ZNF516: variants seen among roughly 807,000 people sequenced by gnomAD.
ZNF516 encodes the protein zinc finger protein 516.
In ZNF516, 19 loss-of-function variants were observed where a neutral mutation model predicts 79.7. The observed-to-expected ratio is 0.24, with a 90% CI of 0.17 to 0.35. The LOEUF (loss-of-function observed/expected upper bound fraction) is 0.35, where lower values mean the gene tolerates loss of function less well. ZNF516 is among the 10% of genes least tolerant of loss of function. The pLI is 1.00. For synonymous variants in ZNF516, 877 were observed against 739.5 expected, an observed-to-expected ratio of 1.19 and a Z score of -3.02; for missense variants, 1,678 against 1,679.5, an observed-to-expected ratio of 1.00 and a Z score of 0.02.
At chr18:76,481,932 T>C (rs1270470586) in intron 1 of ZNF516, among the ~76,000 whole-genome samples, 2 of 152,248 alleles carry the variant, frequency 1.3e-5, no homozygotes, top group Non-Finnish European at 2.9e-5. Flanking sequence ...TTTGTTTTTA[T>C]GCCCTTGGCT....
At chr18:76,456,259 G>A (rs1397256383) in intron 2 of ZNF516, among the ~76,000 whole-genome samples, 1 of 152,244 alleles carries the variant, frequency 6.6e-6, no homozygotes. Context: ...CTGGGGCGAT[G>A]AGCAGTAGTG....
At chr18:76,475,984 T>C (rs962566748) in intron 1 of ZNF516, among the ~76,000 whole-genome samples, 1 of 152,246 alleles carries the variant, frequency 6.6e-6, no homozygotes, top group African/African-American at 2.4e-5. Context: ...ACTCTCATGT[T>C]GTGAAACGTC....
At chr18:76,415,936 T>C (rs900411056) in intron 3 of ZNF516, among the ~76,000 whole-genome samples, 1 of 152,224 alleles carries the variant, frequency 6.6e-6, no homozygotes, top group African/African-American at 2.4e-5. Flanking sequence ...CAACTACCAA[T>C]TACCTCAGTT....
rs763939174 is a variant in ZNF516 at position 76,378,990 on chromosome 18, T to A, written c.3124A>T (p.Ile1042Phe). The A allele has an allele frequency of 3.1e-6, 5 of 1,613,260 alleles. No homozygotes were observed. The highest frequency in any genetic ancestry group is 4.2e-6 in the Non-Finnish European group (5 of 1,179,728). ...VAGAPPVLHS[I>F]KQEPVAEGHE... ...CCCTCGGCCACCGGCTCCTGTTTGA[T>A]GGAGTGTAGGACGGGGGGCGCCCCA... The change falls in exon 4 of 7, where the codon ATC (isoleucine) becomes TTC (phenylalanine). Residue 1042 changes from isoleucine (I) to phenylalanine (F), a missense_variant. Around this residue, in one of 5 missense-constraint regions of ZNF516, gnomAD observed 1,294 missense variants for 1,248.3 expected, o/e 1.04. Transcript: ENST00000443185.
chr18:76,478,561 TAC>T lies in ZNF516; in HGVS notation c.-271-15422_-271-15421del, dbSNP rs1479951962. On this transcript the variant is annotated intron_variant, in intron 1 of 6. Transcript: ENST00000443185. ...CAAAAAATAGGAATAACAAATCCCT[TAC>T]AGTTTATAGGCTGAATGTAAAATTA... Among the ~76,000 whole-genome samples, 3 of 152,198 alleles carry T rather than the reference TAC, an allele frequency of 2.0e-5. No homozygotes were observed. In the South Asian group the frequency reaches 6.2e-4, roughly 31 times the overall value.
chr18:76,442,706 G>A lies in ZNF516; in HGVS notation c.349C>T (p.Pro117Ser), dbSNP rs763836970. The stretch of plus-strand genomic sequence containing the variant: ...TTGCAGGCCGAGGCGCTCTTGGTGG[G>A]GCTGGCGCAGGCGTCCAGGCCCTCG... ...ASEGLDACAS[P>S]TKSASACNRL... Residue 117 changes from proline to serine, a missense_variant, in exon 3 of 7, where the codon CCC (proline) becomes TCC (serine). Pro to Ser is a moderately conservative substitution (Grantham distance 74). Coordinates refer to ENST00000443185, the MANE Select transcript of ZNF516 (RefSeq NM_014643.4). 6.3e-5 allele frequency: 100 copies of A among 1,581,092 alleles called. 4 individuals are homozygous for A. In the East Asian group the frequency reaches 1.3e-3, roughly 20 times the overall value.
intron 1 of ZNF516, among the ~76,000 whole-genome samples, chr18:76,481,975 T>C (rs1259497204): frequency 1.3e-5 from 2 of 152,216 alleles, no homozygotes. Context: ...GGAACTACTT[T>C]CCAAAAGCTA....
At chr18:76,462,260 T>C (rs1913164594) in intron 2 of ZNF516, among the ~76,000 whole-genome samples, 1 of 152,176 alleles carries the variant, frequency 6.6e-6, no homozygotes, top group Non-Finnish European at 1.5e-5. Context: ...GAGACGGCTT[T>C]GTAGGAATCC....
rs140707907 is a variant in ZNF516, at chr18:76,359,406, A to G, written c.*3092T>C. Reference sequence around the variant, plus strand: ...GAAAGGTGGGCAGGTACAGTGGCCAATTTCCCAGAGAAGATCCTCAATATC... The same window carrying G: ...GAAAGGTGGGCAGGTACAGTGGCCAGTTTCCCAGAGAAGATCCTCAATATC... On this transcript the variant is annotated 3_prime_UTR_variant, in exon 7 of 7. Coordinates refer to ENST00000443185, the MANE Select transcript of ZNF516 (RefSeq NM_014643.4). The G allele has an allele frequency of 2.0e-5, 3 of 152,328 alleles. No individual in the cohort carries two copies. The highest frequency in any genetic ancestry group is 1.9e-4 in the East Asian group (1 of 5,180). The allele number at this position is 152,328 out of a possible 1,614,324, so 9.4% of individuals were successfully genotyped here.
In ZNF516 at chr18:76,383,035, C is replaced by CAAA. The variant is rs772423972; in HGVS notation, c.1811-2735_1811-2733dup. Among the ~76,000 whole-genome samples, 200 of 49,640 alleles carry CAAA rather than the reference C, an allele frequency of 4.0e-3. 5 individuals are homozygous for CAAA. The highest frequency in any genetic ancestry group is 0.012 in the African/African-American group (144 of 11,938). 32.6% of individuals were successfully genotyped at this position (49,640 alleles called of 152,430 possible). A position where few individuals can be genotyped will look rare whatever the true frequency, so the allele number is the denominator to read the frequency against. On this transcript the variant is annotated intron_variant, in intron 3 of 6. Transcript: ENST00000443185. Reference sequence around the variant, plus strand: ...TGGGCAACAGAGCAAGACTCTGTCTCAAAAAAAAAAAAAAAAAAAAAAAAG... The same window carrying CAAA: ...TGGGCAACAGAGCAAGACTCTGTCTCAAAAAAAAAAAAAAAAAAAAAAAAAAAG...
At chr18:76,461,234 T>C (rs528663879) in intron 2 of ZNF516, among the ~76,000 whole-genome samples, 1 of 152,308 alleles carries the variant, frequency 6.6e-6, no homozygotes, top group Admixed American at 6.5e-5. Flanking sequence ...GGCTGACTTA[T>C]CTGCCTAAAC....
At chr18:76,460,594 T>C (rs529016454) in intron 2 of ZNF516, among the ~76,000 whole-genome samples, 2 of 151,982 alleles carry the variant, frequency 1.3e-5, no homozygotes, top group African/African-American at 2.4e-5. Flanking sequence ...GTAAAAAAAC[T>C]GGGAGGAAGG....
At chr18:76,432,954 C>T (rs1032132153) in intron 3 of ZNF516, among the ~76,000 whole-genome samples, 3 of 151,848 alleles carry the variant, frequency 2.0e-5, no homozygotes, top group African/African-American at 7.3e-5. Flanking sequence ...AAGAAGGCGA[C>T]CTCCCCAAAT....
intron 1 of ZNF516, among the ~76,000 whole-genome samples, chr18:76,464,211 A>AGGTACATT (rs1292658593): frequency 2.0e-5 from 3 of 152,192 alleles, no homozygotes; most frequent in African/African-American, 7.2e-5. Flanking sequence ...AATGTACTAA[A>AGGTACATT]GGTACATTAA....
At chr18:76,465,357 G>C (rs1312229164) in intron 1 of ZNF516, among the ~76,000 whole-genome samples, 1 of 152,214 alleles carries the variant, frequency 6.6e-6, no homozygotes, top group Admixed American at 6.5e-5. Flanking sequence ...GACAGCAGAA[G>C]AGGAGAGATT....
intron 4 of ZNF516, among the ~76,000 whole-genome samples, chr18:76,376,832 T>C (rs998592494): frequency 1.3e-5 from 2 of 152,054 alleles, no homozygotes; most frequent in Non-Finnish European, 1.5e-5. Flanking sequence ...GTGGATCAAG[T>C]GGGCGTCAAA....
chr18:76,404,711 G>A (rs2075279993), intron 3 of ZNF516, among the ~76,000 whole-genome samples: 1 of 145,210 alleles, frequency 6.9e-6, no homozygotes. Context: ...ATGAGCATAT[G>A]CACGTGTGCA....
chr18:76,494,552 A>C (rs1428729062), intron 1 of ZNF516, among the ~76,000 whole-genome samples: 1 of 147,010 alleles, frequency 6.8e-6, no homozygotes, highest in Admixed American at 6.9e-5. Context: ...GCAGCCGGGG[A>C]GGGGGCCGTA....
chr18:76,441,091 G>A (rs1023334313), intron 3 of ZNF516, among the ~76,000 whole-genome samples, 154 bp downstream of exon 3: 1 of 152,182 alleles, frequency 6.6e-6, no homozygotes, highest in Non-Finnish European at 1.5e-5. Context: ...GGAGTCCTGA[G>A]TCCCAGGGTT....
Sources: gnomAD v4.1 joint callset for allele counts (sites outside exome capture counted in the v4.1 genomes callset) on GRCh38, gnomAD v4.1.1 for gene constraint, gnomAD v4.1.1 regional missense constraint, MANE v1.5 for transcripts, NCBI Gene and HGNC (gene_info 2026-07-23, HGNC 2026-07-21) for gene names.